CWC27: variants seen among roughly 807,000 people sequenced by gnomAD.
CWC27 encodes CWC27 spliceosome associated cyclophilin, also known as spliceosome-associated protein CWC27 homolog.
CWC27 carries 47 observed loss-of-function variants against 63.6 expected under a neutral mutation model. The observed-to-expected ratio is 0.74, with a 90% CI of 0.58 to 0.94. The LOEUF (loss-of-function observed/expected upper bound fraction) is 0.94, where lower values mean the gene tolerates loss of function less well. Ranked by LOEUF, CWC27 falls within the 40% of genes least tolerant of loss-of-function variation. The pLI, the probability that CWC27 is intolerant of heterozygous loss-of-function variation, is 0.00. For missense variants in CWC27, 495 were observed against 554.3 expected (o/e 0.89, Z 1.07); for synonymous variants, 175 against 179.8 (o/e 0.97, Z 0.22).
intron 13 of CWC27, among the ~76,000 whole-genome samples, chr5:65,016,804 TAG>T (rs1465103104): frequency 2.0e-5 from 3 of 152,118 alleles, no homozygotes; most frequent in African/African-American, 7.2e-5. Flanking sequence ...TGTGCTGCTG[TAG>T]AGAGAAAAGA....
intron 13 of CWC27, among the ~76,000 whole-genome samples, chr5:65,000,180 G>T (rs1749708100): frequency 6.6e-6 from 1 of 152,032 alleles, no homozygotes; most frequent in Non-Finnish European, 1.5e-5. Flanking sequence ...TTTTTAACAG[G>T]ATTTTGGTTT....
chr5:64,840,042 G>A (rs779340669), intron 10 of CWC27, among the ~76,000 whole-genome samples: 1 of 152,010 alleles, frequency 6.6e-6, no homozygotes, highest in Non-Finnish European at 1.5e-5. Flanking sequence ...AGTGCATATA[G>A]GCTCCCTGCC....
At chr5:64,875,025 T>C (rs900437216) in intron 10 of CWC27, among the ~76,000 whole-genome samples, 3 of 152,168 alleles carry the variant, frequency 2.0e-5, no homozygotes, top group Non-Finnish European at 4.4e-5. Context: ...GTTTTTGTTA[T>C]GAAATAACAT....
intron 13 of CWC27, among the ~76,000 whole-genome samples, chr5:64,998,763 T>C (rs1749682221): frequency 6.6e-6 from 1 of 152,132 alleles, no homozygotes; most frequent in Non-Finnish European, 1.5e-5. Context: ...TCCTTTTTGC[T>C]TGATTTTCCT....
intron 11 of CWC27, among the ~76,000 whole-genome samples, chr5:64,906,430 A>G (rs6882839): frequency 0.095 from 14,442 of 152,156 alleles, 2,092 homozygotes; most frequent in African/African-American, 0.31. Flanking sequence ...GTGATGATGA[A>G]CATTTTTTCA....
rs369635099 is a variant in CWC27 at position 64,885,405 on chromosome 5, A to G, written c.939-38A>G. 7 of 1,408,952 alleles carry G rather than the reference A, an allele frequency of 5.0e-6. No individual in the cohort carries two copies. The South Asian group carries it at 5.4e-5, about 11-fold the overall frequency. The allele number at this position is 1,408,952 out of a possible 1,614,324, so 87.3% of individuals were successfully genotyped here. On this transcript the variant is annotated intron_variant, in intron 10 of 13. Transcript: ENST00000381070. ...TTTTGCTAAACAACTTTTACTCTCA[A>G]TATATTATATACTTATATAACTCTT... is the stretch of plus-strand genomic sequence containing the variant.
chr5:64,921,641 A>G (rs1748000739), intron 11 of CWC27, among the ~76,000 whole-genome samples: 1 of 152,174 alleles, frequency 6.6e-6, no homozygotes, highest in African/African-American at 2.4e-5. Flanking sequence ...TGAGTGAGGC[A>G]TTTAGACCAT....
At chr5:64,857,461 G>A in intron 10 of CWC27, among the ~76,000 whole-genome samples, 1 of 152,178 alleles carries the variant, frequency 6.6e-6, no homozygotes, top group Admixed American at 6.5e-5. Context: ...GTAACCTGGA[G>A]GGCATATCGA....
chr5:64,990,462 T>C (rs1749519495), intron 13 of CWC27, among the ~76,000 whole-genome samples: 1 of 69,398 alleles, frequency 1.4e-5, no homozygotes, highest in Admixed American at 1.4e-4. Context: ...AGACGGGGTT[T>C]CACCGTTTTA....
At chr5:64,833,942 C>A (rs1163864733) in intron 10 of CWC27, among the ~76,000 whole-genome samples, 1 of 151,384 alleles carries the variant, frequency 6.6e-6, no homozygotes, top group East Asian at 1.9e-4. Context: ...TTATATTGAT[C>A]ATTAATAACA....
chr5:64,773,472 G>A (rs953552315), intron 1 of CWC27, among the ~76,000 whole-genome samples: 72 of 152,310 alleles, frequency 4.7e-4, no homozygotes, highest in African/African-American at 1.7e-3. Flanking sequence ...AATAGGGAGT[G>A]ACTGCTAATG....
intron 11 of CWC27, among the ~76,000 whole-genome samples, chr5:64,934,347 G>A (rs955054830): frequency 2.6e-5 from 4 of 152,162 alleles, no homozygotes; most frequent in African/African-American, 7.2e-5. Flanking sequence ...GTGAGAACAT[G>A]TGGTGTTTGG....
At chr5:64,986,557 T>C (rs1383085483) in intron 13 of CWC27, among the ~76,000 whole-genome samples, 1 of 152,230 alleles carries the variant, frequency 6.6e-6, no homozygotes, top group Non-Finnish European at 1.5e-5. Flanking sequence ...TAGAGCAAGT[T>C]AGAAAGTGTT....
At position 64,783,998 on chromosome 5, in the gene CWC27, TA is replaced by T; in HGVS notation, c.396+22del. 6.5e-7 allele frequency: 1 copy of T among 1,545,716 alleles called. No homozygotes were observed. The highest frequency in any genetic ancestry group is 8.7e-7 in the Non-Finnish European group (1 of 1,148,400). On this transcript the variant is annotated intron_variant, in intron 4 of 13. Coordinates refer to ENST00000381070, the MANE Select transcript of CWC27 (RefSeq NM_005869.4). The stretch of plus-strand genomic sequence containing the variant: ...TGGAAAGGTTAGTGTCCAGTGATTT[TA>T]AACCTGTGGTTCAGTTTTTGGTTTT...
chr5:64,988,260 T>G (rs749284947), intron 13 of CWC27, among the ~76,000 whole-genome samples: 1 of 152,258 alleles, frequency 6.6e-6, no homozygotes, highest in African/African-American at 2.4e-5. Context: ...TTTAAAAGTC[T>G]GTGTCAAATA....
At chr5:64,856,931 G>A (rs1292823625) in intron 10 of CWC27, among the ~76,000 whole-genome samples, 1 of 152,070 alleles carries the variant, frequency 6.6e-6, no homozygotes, top group Non-Finnish European at 1.5e-5. Context: ...ATTAACCCAG[G>A]TGAAAATATA....
At chr5:64,851,668 C>T (rs999307534) in intron 10 of CWC27, among the ~76,000 whole-genome samples, 1 of 152,002 alleles carries the variant, frequency 6.6e-6, no homozygotes, top group Non-Finnish European at 1.5e-5. Context: ...AAAATTTATA[C>T]AATTATAAAT....
intron 11 of CWC27, among the ~76,000 whole-genome samples, chr5:64,954,161 CTCAG>C (rs1429467217): frequency 6.6e-6 from 1 of 152,148 alleles, no homozygotes; most frequent in African/African-American, 2.4e-5. Context: ...CGGTGCCCTT[CTCAG>C]TCAGAGTTCA....
At chr5:64,913,837 AGCTTATT>A (rs553887611) in intron 11 of CWC27, among the ~76,000 whole-genome samples, 6 of 152,094 alleles carry the variant, frequency 3.9e-5, no homozygotes, top group Non-Finnish European at 8.8e-5. Flanking sequence ...GAACCTGATA[AGCTTATT>A]GTAAAGTTTA....
Sources: allele counts gnomAD v4.1 joint callset (sites outside exome capture counted in the v4.1 genomes callset), GRCh38; gene constraint gnomAD v4.1.1; transcripts MANE v1.5; gene names NCBI Gene and HGNC (gene_info 2026-07-23, HGNC 2026-07-21).